RPS6KA2: variants seen among roughly 807,000 people sequenced by gnomAD.
RPS6KA2 encodes the protein ribosomal protein S6 kinase A2, also known as ribosomal protein S6 kinase alpha-2.
A neutral mutation model predicts 91.8 loss-of-function variants in RPS6KA2; 42 were observed. That is an observed-to-expected ratio of 0.46 (90% CI 0.36 to 0.59). The LOEUF is 0.59. Ranked by LOEUF, RPS6KA2 falls within the 20% of genes least tolerant of loss-of-function variation. The pLI is 0.00. For missense variants in RPS6KA2, 798 were observed against 978.5 expected, an observed-to-expected ratio of 0.82 and a Z score of 2.46; for synonymous variants, 414 against 393.6, an observed-to-expected ratio of 1.05 and a Z score of -0.61.
At chr6:166,570,487 G>A (rs1156457059) in intron 1 of RPS6KA2, among the ~76,000 whole-genome samples, 5 of 152,178 alleles carry the variant, frequency 3.3e-5, no homozygotes, top group South Asian at 2.1e-4. Context: ...TAGGATATAA[G>A]AAATTGCCAC....
rs537882727 is a variant in RPS6KA2 at position 166,737,946 on chromosome 6, T to C, written c.123+120254A>G. On this transcript the variant is annotated intron_variant, in intron 2 of 21. Coordinates refer to the RPS6KA2 transcript ENST00000503859. The surrounding 1 kb of genome is among the most constrained non-coding windows in gnomAD (Gnocchi z 4.3). ...TATACAAAGTAAAATAAAAATGTCA[T>C]GCCATCGCTCAGAGAGAATCCTTTT... Among the ~76,000 whole-genome samples, 117 of 152,348 alleles carry C rather than the reference T, an allele frequency of 7.7e-4. No individual in the cohort carries two copies. Among genetic ancestry groups the C allele is most frequent in the African/African-American group, 2.6e-3 (110 of 41,580 alleles).
chr6:166,850,131 A>G (rs1413489802), intron 2 of RPS6KA2, among the ~76,000 whole-genome samples: 7 of 152,328 alleles, frequency 4.6e-5, no homozygotes, highest in South Asian at 2.1e-4. Flanking sequence ...GGAGAATTTT[A>G]TGACTCACAT....
intron 1 of RPS6KA2, among the ~76,000 whole-genome samples, chr6:166,601,303 G>A (rs1441789690): frequency 3.9e-5 from 6 of 152,138 alleles, no homozygotes; most frequent in African/African-American, 7.2e-5. Context: ...AGCTTAAATC[G>A]ACATAGCACT....
chr6:166,729,562 G>A (rs575852993), intron 2 of RPS6KA2, among the ~76,000 whole-genome samples: 113 of 152,262 alleles, frequency 7.4e-4, no homozygotes, highest in African/African-American at 2.6e-3. Context: ...AGCTGGTCTT[G>A]AACTCCTGGG....
chr6:166,860,850 A>T (rs1282126218), intron 1 of RPS6KA2, among the ~76,000 whole-genome samples: 1 of 152,198 alleles, frequency 6.6e-6, no homozygotes, highest in Non-Finnish European at 1.5e-5. Context: ...TGGCAACCGC[A>T]GTAAGGGAAT....
intron 1 of RPS6KA2, among the ~76,000 whole-genome samples, chr6:166,564,913 A>T (rs1359758850): frequency 6.6e-6 from 1 of 152,178 alleles, no homozygotes; most frequent in Non-Finnish European, 1.5e-5. Flanking sequence ...GCTTTAGGAC[A>T]TGTGATCCCT....
At chr6:166,549,409 T>C (rs563098864) in intron 1 of RPS6KA2, among the ~76,000 whole-genome samples, 11 of 152,292 alleles carry the variant, frequency 7.2e-5, no homozygotes, top group Non-Finnish European at 1.5e-4. Flanking sequence ...GCCCAAATGG[T>C]CTTCAATGAA....
chr6:166,624,992 C>G (rs1442932803), intron 1 of RPS6KA2, among the ~76,000 whole-genome samples: 1 of 152,106 alleles, frequency 6.6e-6, no homozygotes, highest in South Asian at 2.1e-4. Flanking sequence ...CGCCACCATG[C>G]CCAGCTAATT....
Position 166,451,220 on chromosome 6 carries a change from G to C in RPS6KA2, c.1089C>G (p.Val363=). ...GGTGATGAGCGTTTGCACTCGGGGG[G>C]ACGCCAGGAGAGTCTGTAGGTGACA... ...TARTPTDSPG[V]PPSANAHHLF... is the part of the protein sequence containing the mutation. Residue 363 remains valine (V), a synonymous_variant, in exon 13 of 21, where the codon GTC becomes GTG. Coordinates refer to ENST00000265678, the MANE Select transcript of RPS6KA2 (RefSeq NM_021135.6). The C allele has an allele frequency of 6.2e-7, 1 of 1,613,970 alleles. No homozygotes were observed. Among genetic ancestry groups the C allele is most frequent in the Non-Finnish European group, 8.5e-7 (1 of 1,179,944 alleles).
chr6:166,721,830 AGCCGGTGCC>A (rs1562401071), intron 2 of RPS6KA2, among the ~76,000 whole-genome samples: 46 of 2,258 alleles, frequency 0.02, no homozygotes, highest in Non-Finnish European at 0.028. Context: ...TCAGAGGAGG[AGCCGGTGCC>A]AGCTCAGAGG....
chr6:166,562,511 C>CAG (rs1784373492), intron 1 of RPS6KA2, among the ~76,000 whole-genome samples: 2 of 152,162 alleles, frequency 1.3e-5, no homozygotes, highest in South Asian at 4.1e-4. Context: ...TCAAGGAGTT[C>CAG]AGACTCTGGT....
At chr6:166,709,884 T>C (rs1206386673) in intron 2 of RPS6KA2, among the ~76,000 whole-genome samples, 1 of 152,212 alleles carries the variant, frequency 6.6e-6, no homozygotes, top group Non-Finnish European at 1.5e-5. Flanking sequence ...AAGTTAGGGG[T>C]TGACAAGGTC....
intron 10 of RPS6KA2, among the ~76,000 whole-genome samples, chr6:166,475,333 C>T (rs762387193): frequency 6.6e-6 from 1 of 152,222 alleles, no homozygotes; most frequent in African/African-American, 2.4e-5. Context: ...TGCGTACTCC[C>T]GAGCGTGGCC....
At chr6:166,661,899 T>C (rs959076670) in intron 2 of RPS6KA2, among the ~76,000 whole-genome samples, 7 of 152,196 alleles carry the variant, frequency 4.6e-5, no homozygotes, top group African/African-American at 1.4e-4. Flanking sequence ...TCTTTACCCA[T>C]AGCCAACTTT....
intron 2 of RPS6KA2, among the ~76,000 whole-genome samples, chr6:166,695,689 C>A (rs1789335333): frequency 6.6e-6 from 1 of 152,044 alleles, no homozygotes; most frequent in African/African-American, 2.4e-5. Flanking sequence ...GCACTGGATT[C>A]TCCTAGGAGC....
At chr6:166,715,381 T>C (rs1789981402) in intron 2 of RPS6KA2, among the ~76,000 whole-genome samples, 1 of 151,990 alleles carries the variant, frequency 6.6e-6, no homozygotes, top group Non-Finnish European at 1.5e-5. Context: ...TAAAAAGGAG[T>C]AAACTTATCC....
chr6:166,708,034 A>T (rs988715247), intron 2 of RPS6KA2, among the ~76,000 whole-genome samples: 8 of 152,210 alleles, frequency 5.3e-5, no homozygotes, highest in African/African-American at 1.9e-4. Flanking sequence ...ATGAGCCACC[A>T]CAACTGGCCT....
chr6:166,644,330 C>G (rs892534563), intron 2 of RPS6KA2, among the ~76,000 whole-genome samples: 1 of 152,144 alleles, frequency 6.6e-6, no homozygotes, highest in African/African-American at 2.4e-5. Context: ...AAGTTCAACA[C>G]AGGGAAAAGC....
In RPS6KA2 at chr6:166,419,980, C is replaced by T. The variant is rs1195903412; in HGVS notation, c.1744-22G>A. 1.2e-6 allele frequency: 2 copies of T among 1,607,538 alleles called. No homozygotes were observed. Among genetic ancestry groups the T allele is most frequent in the South Asian group, 1.1e-5 (1 of 90,922 alleles). On this transcript the variant is annotated intron_variant, in intron 17 of 20. Transcript: ENST00000265678. This position sits in a 1 kb window ranked among gnomAD's most constrained non-coding sequence, Gnocchi z 5.6. ...GGACCTAGGAGGGAACGACAGGACA[C>T]CGGCACGCCCTTCACTAAGGACATT...
Sources: allele counts gnomAD v4.1 joint callset (sites outside exome capture counted in the v4.1 genomes callset), GRCh38; gene constraint gnomAD v4.1.1; non-coding constraint Gnocchi (gnomAD v3.1); transcripts MANE v1.5; gene names NCBI Gene and HGNC (gene_info 2026-07-23, HGNC 2026-07-21).